The following ZNF839 variants were observed in gnomAD, a reference collection of about 807,000 sequenced individuals.
ZNF839 encodes renal carcinoma antigen NY-REN-50.
In ZNF839, 38 loss-of-function variants were observed where a neutral mutation model predicts 56.4. The observed-to-expected ratio is 0.67, with a 90% CI of 0.52 to 0.88. The LOEUF is 0.88. Ranked by LOEUF, ZNF839 falls within the 40% of genes least tolerant of loss-of-function variation. ZNF839 has a pLI of 0.00. For missense variants in ZNF839, 1,091 were observed against 1,177.6 expected, an observed-to-expected ratio of 0.93 and a Z score of 1.08; for synonymous variants, 486 against 493.5, an observed-to-expected ratio of 0.98 and a Z score of 0.20.
At chr14:102,321,241 C>T (rs904061454) in intron 1 of ZNF839, among the ~76,000 whole-genome samples, 2 of 152,206 alleles carry the variant, frequency 1.3e-5, no homozygotes, top group East Asian at 1.9e-4. Context: ...GCTCTGCGCC[C>T]GGCGCTGTGC....
Position 102,334,770 on chromosome 14 carries a change from G to A in ZNF839, c.1509+124G>A, listed in dbSNP as rs2139558818. On this transcript the variant is annotated intron_variant, in intron 4 of 7. Coordinates refer to ENST00000442396, the MANE Select transcript of ZNF839 (RefSeq NM_018335.6). ...TTGTTAATTTTATTTTTGAGACAGG[G>A]TCTTGCTCTGTCGCCCAGCTAGAGT... 5 of 435,878 alleles carry A rather than the reference G, an allele frequency of 1.1e-5. No homozygotes were observed. In the South Asian group the frequency reaches 1.6e-4, roughly 14 times the overall value. 27.0% of individuals were successfully genotyped at this position (435,878 alleles called of 1,614,324 possible).
intron 5 of ZNF839, 85 bp from the exon 6 acceptor site, chr14:102,338,731 G>A: frequency 6.4e-7 from 1 of 1,571,822 alleles, no homozygotes; most frequent in Non-Finnish European, 8.7e-7. Flanking sequence ...ATTCTATGAA[G>A]TCGTTTAATT....
Position 102,341,456 on chromosome 14 carries a change from G to A in ZNF839, c.2061G>A (p.Arg687=), listed in dbSNP as rs774907456. Residue 687 remains arginine (R), a synonymous_variant, in exon 8 of 8, where the codon AGG becomes AGA. Transcript: ENST00000442396. ...AGGCACTGGCTAACTTAGAAGCCAG[G>A]AGGGGGTCTATAGGTGCTGCTCTCT... ...QLQALANLEA[R]RGSIGAALSS... 6.3e-7 allele frequency: 1 copy of A among 1,596,780 alleles called. No individual in the cohort carries two copies.
intron 1 of ZNF839, among the ~76,000 whole-genome samples, chr14:102,321,237 C>A (rs1383253551): frequency 1.3e-5 from 2 of 152,218 alleles, no homozygotes; most frequent in South Asian, 4.1e-4. Flanking sequence ...CTCTGCTCTG[C>A]GCCCGGCGCT....
chr14:102,331,143 T>C (rs996485466), intron 2 of ZNF839, among the ~76,000 whole-genome samples: 1 of 152,246 alleles, frequency 6.6e-6, no homozygotes, highest in African/African-American at 2.4e-5. Context: ...GTATTTTAAA[T>C]CTATCCAGTA....
At chr14:102,333,832 C>T (rs1270601361) in intron 3 of ZNF839, among the ~76,000 whole-genome samples, 1 of 152,186 alleles carries the variant, frequency 6.6e-6, no homozygotes, top group African/African-American at 2.4e-5. Context: ...GGCTTTCTGT[C>T]CACCCCTGCA....
chr14:102,338,399 A>ATG (rs1367247140), intron 5 of ZNF839, among the ~76,000 whole-genome samples: 10 of 151,930 alleles, frequency 6.6e-5, no homozygotes, highest in African/African-American at 2.4e-4. Flanking sequence ...TTAGCCAGGC[A>ATG]TGGTGGTGCA....
chr14:102,332,048 A>G lies in ZNF839; in HGVS notation c.1416+202A>G, dbSNP rs116018844. 4.1e-3 allele frequency among the ~76,000 whole-genome samples: 622 copies of G among 152,280 alleles called. 10 individuals carry two copies. The highest frequency in any genetic ancestry group is 0.014 in the African/African-American group (574 of 41,544). ...CTGTACAGCCTTTGGTGCAGCTCCA[A>G]AAGCTGCTTGACTTGATAAGTTTTG... is the stretch of plus-strand genomic sequence containing the variant. On this transcript the variant is annotated intron_variant, in intron 3 of 7. Coordinates refer to ENST00000442396, the MANE Select transcript of ZNF839 (RefSeq NM_018335.6). This position sits in a 1 kb window ranked among gnomAD's most constrained non-coding sequence, Gnocchi z 4.9.
intron 2 of ZNF839, among the ~76,000 whole-genome samples, chr14:102,328,402 ATATATATAT>A (rs2073578155): frequency 9.0e-6 from 1 of 111,718 alleles, no homozygotes; most frequent in African/African-American, 3.3e-5. Flanking sequence ...ATATATATAT[ATATATATAT>A]GTATACACAC....
intron 7 of ZNF839, 149 bp from the exon 8 acceptor site, chr14:102,341,174 T>C: frequency 1.2e-6 from 1 of 854,420 alleles, no homozygotes; most frequent in East Asian, 2.9e-5. Context: ...TTTTTTAAAA[T>C]TGCTACCAAT....
intron 1 of ZNF839, 130 bp from the exon 2 acceptor site, chr14:102,325,850 CACATT>C (rs2073379615): frequency 3.8e-6 from 4 of 1,064,844 alleles, no homozygotes; most frequent in East Asian, 5.2e-5. Context: ...TTAGTACAAA[CACATT>C]ACATCAACTT....
In ZNF839 at chr14:102,342,347, T is replaced by C. The variant is rs1886631490; in HGVS notation, c.*168T>C. On this transcript the variant is annotated 3_prime_UTR_variant, in exon 8 of 8. Transcript: ENST00000442396. ...ATTGCACAGATGAACCTTTTATTTA[T>C]AAAGAATAATGTCTTTCTGCCCTGC... is the stretch of plus-strand genomic sequence containing the variant. 1.3e-6 allele frequency: 1 copy of C among 767,984 alleles called. No homozygotes were observed. Among genetic ancestry groups the C allele is most frequent in the African/African-American group, 1.7e-5 (1 of 57,506 alleles). The allele number at this position is 767,984 out of a possible 1,614,324, so 47.6% of individuals were successfully genotyped here. A position where few individuals can be genotyped will look rare whatever the true frequency, so the allele number is the denominator to read the frequency against.
Position 102,341,877 on chromosome 14 carries a change from C to T in ZNF839, c.2482C>T (p.His828Tyr), listed in dbSNP as rs574244284. 3.7e-6 allele frequency: 6 copies of T among 1,614,064 alleles called. No individual in the cohort carries two copies. The East Asian group carries it at 1.1e-4, about 30-fold the overall frequency. Residue 828 changes from histidine (H) to tyrosine (Y), a missense_variant, in exon 8 of 8, where the codon CAT (histidine) becomes TAT (tyrosine). By Grantham distance (83) the His-to-Tyr change is moderately conservative. Transcript: ENST00000442396. Reference protein sequence around the residue: ...VPKPGPQPGPHGSLLTEGCLR... With the variant: ...VPKPGPQPGPYGSLLTEGCLR... ...CAAGCCAGGGCCTCAGCCTGGCCCA[C>T]ATGGATCACTATTGACTGAAGGGTG...
rs1306054882 is a variant in ZNF839 at position 102,331,699 on chromosome 14, C to G, written c.1269C>G (p.Tyr423Ter). 2 of 1,611,740 alleles carry G rather than the reference C, an allele frequency of 1.2e-6. No homozygotes were observed. The highest frequency in any genetic ancestry group is 2.2e-5 in the East Asian group (1 of 44,854). The change falls in exon 3 of 8, where the codon TAC becomes TAG. Residue 423 changes from tyrosine to a stop codon, truncating the protein, a stop_gained. Coordinates refer to ENST00000442396, the MANE Select transcript of ZNF839 (RefSeq NM_018335.6). LOFTEE classifies it high-confidence loss of function. ...ENGALLRSER[Y>*]QGPRRRACSE... Reference sequence around the variant, plus strand: ...GAGCTCTTTTGCGATCAGAGAGATACCAAGGACCTAGAAGACGCGCATGCT... The same window carrying G: ...GAGCTCTTTTGCGATCAGAGAGATAGCAAGGACCTAGAAGACGCGCATGCT...
At chr14:102,319,730 T>C, upstream of ZNF839, 2 of 1,226,408 alleles carry the variant, frequency 1.6e-6, no homozygotes, top group Non-Finnish European at 2.0e-6. The surrounding 1 kb of genome is among the most constrained non-coding windows in gnomAD (Gnocchi z 4.5). Context: ...ACGCCGTCGC[T>C]CAGCGACCCG....
At chr14:102,336,192 C>CAA (rs200609836) in intron 5 of ZNF839, among the ~76,000 whole-genome samples, 57 of 123,764 alleles carry the variant, frequency 4.6e-4, no homozygotes, top group African/African-American at 1.5e-3. Context: ...AAAACAAAAC[C>CAA]AAAAAAAAAA....
chr14:102,320,796 G>T (rs2073086708), intron 1 of ZNF839, among the ~76,000 whole-genome samples: 1 of 152,158 alleles, frequency 6.6e-6, no homozygotes, highest in Non-Finnish European at 1.5e-5. Flanking sequence ...TTGGTTGCTA[G>T]GGGGGTGATA....
At chr14:102,321,959 C>T (rs533888644) in intron 1 of ZNF839, among the ~76,000 whole-genome samples, 11 of 152,100 alleles carry the variant, frequency 7.2e-5, no homozygotes, top group African/African-American at 9.7e-5. Flanking sequence ...TGGGTCAGAT[C>T]GAGGCCCCTG....
At chr14:102,321,211 C>T (rs2073110439) in intron 1 of ZNF839, among the ~76,000 whole-genome samples, 1 of 152,224 alleles carries the variant, frequency 6.6e-6, no homozygotes, top group Admixed American at 6.5e-5. Context: ...CATCTGGGGG[C>T]AGCTATCTGC....
Sources: gnomAD v4.1 joint callset for allele counts (sites outside exome capture counted in the v4.1 genomes callset) on GRCh38, gnomAD v4.1.1 for gene constraint, Gnocchi (gnomAD v3.1) non-coding constraint, MANE v1.5 for transcripts, NCBI Gene and HGNC (gene_info 2026-07-23, HGNC 2026-07-21) for gene names.